Variants in SMC1A observed in about 807,000 individuals in gnomAD.
The protein encoded by SMC1A is structural maintenance of chromosomes 1A.
A neutral mutation model predicts 94.5 loss-of-function variants in SMC1A; 4 were observed. The ratio of observed to expected loss-of-function variants is 0.04; its 90% CI spans 0.02 to 0.10. SMC1A has a LOEUF of 0.10. SMC1A is among the 10% of genes least tolerant of loss of function. The pLI is 1.00. For missense variants in SMC1A, 304 were observed against 989.0 expected (o/e 0.31, Z 9.29); for synonymous variants, 345 against 347.7 (o/e 0.99, Z 0.09).
At position 53,420,915 on chromosome X, in the gene SMC1A, TA is replaced by T. The variant is rs782639044; in HGVS notation, c.109+1576del. On this transcript the variant is annotated intron_variant, in intron 1 of 24. Coordinates refer to ENST00000322213, the MANE Select transcript of SMC1A (RefSeq NM_006306.4). ...CATGCACCATCAATATAGGACTTAA[TA>T]AACATTAACGTGTACCAAGTGTCTA... Among the ~76,000 whole-genome samples the T allele has an allele frequency of 4.8e-3, 536 of 112,044 alleles. 6 individuals carry two copies. The highest frequency in any genetic ancestry group is 0.017 in the African/African-American group (512 of 30,822).
intron 23 of SMC1A, 56 bp from the exon 24 acceptor site, chrX:53,380,786 A>G (rs1334973584): frequency 1.4e-4 from 121 of 880,725 alleles, no homozygotes; most frequent in Non-Finnish European, 2.0e-4. Context: ...AGTCCCCAGT[A>G]TTTTCCAGCC....
intron 9 of SMC1A, among the ~76,000 whole-genome samples, chrX:53,406,910 CT>C (rs1292756932): frequency 2.7e-5 from 3 of 111,627 alleles, no homozygotes; most frequent in African/African-American, 9.8e-5. Context: ...GTTGGCCAGG[CT>C]GATCTCAAAC....
rs782799101 is a variant in SMC1A at position 53,405,755 on chromosome X, C to A, written c.1731+16G>T. ...CCCTTGAACACTGGCCTGACCCAATCCCCAACAAGCCTCACCTCCAGGTAG... is the reference window on the plus strand; with the variant it reads ...CCCTTGAACACTGGCCTGACCCAATACCCAACAAGCCTCACCTCCAGGTAG... On this transcript the variant is annotated intron_variant, in intron 10 of 24. Transcript: ENST00000322213. The A allele has an allele frequency of 8.3e-7, 1 of 1,209,397 alleles. No individual in the cohort carries two copies. The highest frequency in any genetic ancestry group is 1.8e-5 in the South Asian group (1 of 56,772).
chrX:53,419,316 C>T (rs1373190699), intron 1 of SMC1A, among the ~76,000 whole-genome samples: 2 of 109,886 alleles, frequency 1.8e-5, no homozygotes, highest in Non-Finnish European at 1.9e-5. Flanking sequence ...CACTTGACCT[C>T]GGGAGTTTGA....
intron 7 of SMC1A, 93 bp from the exon 8 acceptor site, chrX:53,409,596 C>T (rs1556890233): frequency 2.0e-5 from 14 of 692,432 alleles, no homozygotes; most frequent in Non-Finnish European, 3.3e-5. Context: ...CCCACTCATC[C>T]AAGAGCCGAA....
intron 1 of SMC1A, among the ~76,000 whole-genome samples, chrX:53,417,814 T>C (rs1471922174): frequency 3.6e-5 from 4 of 111,715 alleles, no homozygotes; most frequent in African/African-American, 3.3e-5. Context: ...AGGGGTGAAA[T>C]GTAATTGAGT....
chrX:53,393,283 T>C (rs1264816896), intron 19 of SMC1A, among the ~76,000 whole-genome samples: 1 of 110,932 alleles, frequency 9.0e-6, no homozygotes, highest in Non-Finnish European at 1.9e-5. Flanking sequence ...GACAATTCTA[T>C]AGTACCAACG....
At chrX:53,397,439 G>A (rs2075655310) in intron 16 of SMC1A, among the ~76,000 whole-genome samples, 1 of 111,309 alleles carries the variant, frequency 9.0e-6, no homozygotes, top group South Asian at 3.8e-4. Flanking sequence ...AAATTAGCTG[G>A]GTGTGGTGGC....
intron 19 of SMC1A, among the ~76,000 whole-genome samples, chrX:53,391,902 C>G (rs1322564969): frequency 2.7e-5 from 3 of 110,604 alleles, no homozygotes; most frequent in African/African-American, 9.9e-5. Context: ...AGCAGCATCC[C>G]TGGTGTCTAC....
intron 22 of SMC1A, 71 bp downstream of exon 22, chrX:53,382,161 C>T: frequency 8.9e-7 from 1 of 1,126,029 alleles, no homozygotes; most frequent in Admixed American, 2.2e-5. Flanking sequence ...CTCTGTGTAT[C>T]CTTGGGCCCC....
intron 19 of SMC1A, among the ~76,000 whole-genome samples, chrX:53,389,417 T>C (rs2075618319): frequency 1.8e-5 from 2 of 111,476 alleles, no homozygotes; most frequent in Non-Finnish European, 1.9e-5. Context: ...GTGACCATCA[T>C]GGATGTGTAA....
chrX:53,408,186 T>C (rs1277574850), intron 9 of SMC1A, among the ~76,000 whole-genome samples: 2 of 110,845 alleles, frequency 1.8e-5, no homozygotes, highest in Non-Finnish European at 3.8e-5. Context: ...AAAAAATTAG[T>C]TGGGCATGGC....
chrX:53,408,936 T>C (rs1451328973), intron 9 of SMC1A, 126 bp downstream of exon 9: 1 of 615,553 alleles, frequency 1.6e-6, no homozygotes, highest in East Asian at 3.6e-5. Flanking sequence ...TTTTTAAACC[T>C]CTCCGAGCCT....
rs781871296 is a variant in SMC1A at position 53,405,735 on chromosome X, G to C, written c.1731+36C>G. 5.8e-6 allele frequency: 7 copies of C among 1,208,158 alleles called. No individual in the cohort carries two copies. The South Asian group carries it at 1.2e-4, about 21-fold the overall frequency. ...AGGGAGTACTAGAGGAGGGGCCCTT[G>C]AACACTGGCCTGACCCAATCCCCAA... is the stretch of plus-strand genomic sequence containing the variant. On this transcript the variant is annotated intron_variant, in intron 10 of 24. Coordinates refer to ENST00000322213, the MANE Select transcript of SMC1A (RefSeq NM_006306.4).
chrX:53,409,529 G>A, intron 7 of SMC1A, 26 bp from the exon 8 acceptor site: 4 of 1,154,825 alleles, frequency 3.5e-6, no homozygotes, highest in Non-Finnish European at 3.5e-6. Flanking sequence ...TCCATCATCA[G>A]GGGCTGCACG....
chrX:53,381,224 A>G (rs1556885852), intron 22 of SMC1A, 137 bp from the exon 23 acceptor site: 2 of 453,695 alleles, frequency 4.4e-6, no homozygotes, highest in African/African-American at 4.9e-5. Flanking sequence ...CAGGTCTCAA[A>G]GTTGCCTGAG....
At chrX:53,391,015 A>AG (rs2075627261) in intron 19 of SMC1A, among the ~76,000 whole-genome samples, 4 of 103,355 alleles carry the variant, frequency 3.9e-5, no homozygotes, top group Non-Finnish European at 6.0e-5. Flanking sequence ...AAAAAAAAAA[A>AG]AAAAGAAGAA....
chrX:53,406,988 G>C lies in SMC1A; in HGVS notation c.1546-1032C>G, dbSNP rs368707424. Among the ~76,000 whole-genome samples the C allele has an allele frequency of 5.4e-5, 6 of 112,092 alleles. No homozygotes were observed. The South Asian group carries it at 2.2e-3, about 41-fold the overall frequency. On this transcript the variant is annotated intron_variant, in intron 9 of 24. Coordinates refer to ENST00000322213, the MANE Select transcript of SMC1A (RefSeq NM_006306.4). ...GCGAGGATTACAGGCGTGAGCTACC[G>C]CTCCCAGCATCTTTCTATTTATTAC...
At chrX:53,394,755 AC>A in intron 19 of SMC1A, 22 bp downstream of exon 19, 3 of 185,566 alleles carry the variant, frequency 1.6e-5, no homozygotes, top group Non-Finnish European at 2.7e-5. Context: ...CACCCCCACC[AC>A]ACCCCTGTGG....
Sources: gnomAD v4.1 joint callset for allele counts (sites outside exome capture counted in the v4.1 genomes callset) on GRCh38, gnomAD v4.1.1 for gene constraint, MANE v1.5 for transcripts, NCBI Gene and HGNC (gene_info 2026-07-23, HGNC 2026-07-21) for gene names.